Variants in IFI27 observed in about 807,000 individuals in gnomAD.
IFI27 encodes the protein interferon alpha-inducible protein 27, mitochondrial.
Under a neutral mutation model 8.9 loss-of-function variants are expected in IFI27, and 3 were observed. The observed-to-expected ratio is 0.34, with a 90% CI of 0.15 to 0.87. The LOEUF is 0.87. IFI27 is among the 40% of genes least tolerant of loss of function. The pLI, the probability that IFI27 is intolerant of heterozygous loss-of-function variation, is 0.51. For missense variants in IFI27, 152 were observed against 157.7 expected (o/e 0.96, Z 0.19); for synonymous variants, 66 against 67.3 (o/e 0.98, Z 0.09).
chr14:94,116,494 T>G lies in IFI27; in HGVS notation c.336T>G (p.Ser112=), dbSNP rs773890883. ...AGTTCATCCTGGGCTCCATTGGGTC[T>G]GCCATTGCGGCTGTCATTGCGAGGT... is the stretch of plus-strand genomic sequence containing the variant. Residue 112 remains serine (S), a synonymous_variant, in exon 5 of 5, where the codon TCT becomes TCG. Coordinates refer to ENST00000621160, the Ensembl canonical transcript of IFI27. The surrounding 1 kb of genome is among the most constrained non-coding windows in gnomAD (Gnocchi z 4.3). The G allele has an allele frequency of 2.2e-5, 35 of 1,613,464 alleles. No homozygotes were observed. Among genetic ancestry groups the G allele is most frequent in the Admixed American group, 3.3e-5 (2 of 59,932 alleles).
At chr14:94,109,330 G>A (rs1336734536), upstream of IFI27, among the ~76,000 whole-genome samples, 3 of 150,868 alleles carry the variant, frequency 2.0e-5, no homozygotes, top group Middle Eastern at 3.4e-3. Context: ...AGGGAGGGGA[G>A]GGGAGGGGAG....
intron 3 of IFI27, chr14:94,115,536 G>C: frequency 1.6e-6 from 1 of 608,270 alleles, no homozygotes. Context: ...TCCCAAGGAA[G>C]GTCCTGCTGC....
Position 94,115,853 on chromosome 14 carries a change from C to T in IFI27, c.194C>T (p.Ser65Phe). ...ACTGCGGCGGGAATCGCCTCGTCCT[C>T]CATAGCAGCCAAGATGATGTCCGCG... Residue 65 changes from serine (S) to phenylalanine (F), a missense_variant, in exon 4 of 5, where the codon TCC becomes TTC. Transcript: ENST00000621160. The T allele has an allele frequency of 1.9e-6, 3 of 1,603,220 alleles. No individual in the cohort carries two copies. The highest frequency in any genetic ancestry group is 1.7e-6 in the Non-Finnish European group (2 of 1,174,476).
At position 94,116,386 on chromosome 14, in the gene IFI27, C is replaced by G; in HGVS notation, c.284-56C>G. 1 of 1,287,746 alleles carries G rather than the reference C, an allele frequency of 7.8e-7. No individual in the cohort carries two copies. The highest frequency in any genetic ancestry group is 1.9e-5 in the Admixed American group (1 of 53,398). The allele number at this position is 1,287,746 out of a possible 1,614,324, so 79.8% of individuals were successfully genotyped here. A position where few individuals can be genotyped will look rare whatever the true frequency, so the allele number is the denominator to read the frequency against. On this transcript the variant is annotated intron_variant, in intron 4 of 4. Coordinates refer to ENST00000621160, the Ensembl canonical transcript of IFI27. This position sits in a 1 kb window ranked among gnomAD's most constrained non-coding sequence, Gnocchi z 4.3. ...GAGTCTCTGACCCCACAGTCCTGCC[C>G]ACAGAGCTTCCCCGACAGGCATGTC... is the stretch of plus-strand genomic sequence containing the variant.
chr14:94,114,339 C>T (rs1246037160), intron 2 of IFI27: 10 of 158,404 alleles, frequency 6.3e-5, no homozygotes, highest in Admixed American at 6.1e-4. Context: ...TAAACACTGA[C>T]CCTGCTTCGG....
At chr14:94,115,917 C>A in exon 4 of IFI27, 1 of 1,588,064 alleles carries the variant, frequency 6.3e-7, no homozygotes, top group Non-Finnish European at 8.6e-7. Context: ...CCTCGGGCAG[C>A]CTTGTGGCTA....
Position 94,111,699 on chromosome 14 carries a change from T to G in IFI27, c.17T>G (p.Leu6Arg), listed in dbSNP as rs749624037. The change falls in exon 2 of 5, where the codon CTC becomes CGC. Residue 6 changes from leucine to arginine, a missense_variant. Transcript: ENST00000621160. The surrounding 1 kb of genome is among the most constrained non-coding windows in gnomAD (Gnocchi z 4.3). ...CGAGCAGGCATGGAGGCCTCTGCTCTCACCTCATCAGCAGTGACCAGTGTG... is the reference window on the plus strand; with the variant it reads ...CGAGCAGGCATGGAGGCCTCTGCTCGCACCTCATCAGCAGTGACCAGTGTG... 1 of 1,614,144 alleles carries G rather than the reference T, an allele frequency of 6.2e-7. No individual in the cohort carries two copies. Among genetic ancestry groups the G allele is most frequent in the South Asian group, 1.1e-5 (1 of 91,088 alleles).
Position 94,111,502 on chromosome 14 carries a change from TG to T in IFI27, c.-58-122del. 1.7e-6 allele frequency: 1 copy of T among 605,258 alleles called. No individual in the cohort carries two copies. Among genetic ancestry groups the T allele is most frequent in the Non-Finnish European group, 3.0e-6 (1 of 334,900 alleles). 37.5% of individuals were successfully genotyped at this position (605,258 alleles called of 1,614,324 possible). On this transcript the variant is annotated intron_variant, in intron 1 of 4. Coordinates refer to ENST00000621160, the Ensembl canonical transcript of IFI27. This position sits in a 1 kb window ranked among gnomAD's most constrained non-coding sequence, Gnocchi z 4.3. ...CTCACCCCAGGATCCTTTCAAGGCC[TG>T]CTGCTCCACAAGCTCAGAGCAGCCT...
At chr14:94,115,473 C>A in intron 3 of IFI27, 1 of 611,970 alleles carries the variant, frequency 1.6e-6, no homozygotes, top group Non-Finnish European at 3.0e-6. Flanking sequence ...AACCACTCCC[C>A]TGGTCCAGCA....
At chr14:94,106,910 C>CCT (rs397760130), upstream of IFI27, among the ~76,000 whole-genome samples, 1 of 151,904 alleles carries the variant, frequency 6.6e-6, no homozygotes, top group African/African-American at 2.4e-5. Flanking sequence ...CAAGCACCCC[C>CCT]ATGACCGAAA....
At chr14:94,113,619 C>T (rs1019974971) in intron 2 of IFI27, 3 of 152,260 alleles carry the variant, frequency 2.0e-5, no homozygotes, top group Admixed American at 6.5e-5. Flanking sequence ...TATGAATGCC[C>T]ATCAGCTGAG....
At chr14:94,109,518 T>C (rs1887089545), upstream of IFI27, among the ~76,000 whole-genome samples, 1 of 152,188 alleles carries the variant, frequency 6.6e-6, no homozygotes, top group Non-Finnish European at 1.5e-5. Context: ...TAGGTAGGAC[T>C]GGGAATCTTG....
chr14:94,107,618 A>G (rs1398469762), upstream of IFI27, among the ~76,000 whole-genome samples: 1 of 152,160 alleles, frequency 6.6e-6, no homozygotes, highest in Non-Finnish European at 1.5e-5. Context: ...AAATATTTGT[A>G]TATAGTTCTG....
At chr14:94,114,819 A>G in intron 2 of IFI27, 32 bp from the exon 3 acceptor site, 6 of 1,613,574 alleles carry the variant, frequency 3.7e-6, no homozygotes, top group Non-Finnish European at 5.1e-6. Flanking sequence ...GCCAGTGTGG[A>G]TCTACTCACA....
intron 2 of IFI27, chr14:94,112,079 T>G: frequency 2.1e-6 from 1 of 467,134 alleles, no homozygotes; most frequent in African/African-American, 1.9e-5. Context: ...CAGCTCTCCC[T>G]TCCCCCAGAT....
chr14:94,107,151 C>T (rs1466576854), upstream of IFI27, among the ~76,000 whole-genome samples: 1 of 152,060 alleles, frequency 6.6e-6, no homozygotes, highest in Non-Finnish European at 1.5e-5. Flanking sequence ...TTCACTTCAA[C>T]CTCTGCCTCC....
chr14:94,115,202 G>C, intron 3 of IFI27: 1 of 642,040 alleles, frequency 1.6e-6, no homozygotes, highest in Non-Finnish European at 2.9e-6. Flanking sequence ...CCTCTCCAGA[G>C]AAAAGGCTGG....
At chr14:94,107,428 G>T (rs531376690), upstream of IFI27, among the ~76,000 whole-genome samples, 1 of 152,046 alleles carries the variant, frequency 6.6e-6, no homozygotes, top group South Asian at 2.1e-4. Context: ...AGCATTTTTT[G>T]GTATACTCTG....
In IFI27 at chr14:94,111,615, C is replaced by A; in HGVS notation, c.-58-10C>A. ...CCCATCCCGTCCTCAGAGCTCCATC[C>A]CTTCGGCAGGTCTGGCTGAAGTTGA... On this transcript the variant is annotated splice_polypyrimidine_tract_variant and intron_variant, in intron 1 of 4. Transcript: ENST00000621160. The surrounding 1 kb of genome is among the most constrained non-coding windows in gnomAD (Gnocchi z 4.3). 7.6e-7 allele frequency: 1 copy of A among 1,313,758 alleles called. No individual in the cohort carries two copies. Among genetic ancestry groups the A allele is most frequent in the Non-Finnish European group, 1.1e-6 (1 of 907,972 alleles). 81.4% of individuals were successfully genotyped at this position (1,313,758 alleles called of 1,614,324 possible).
Sources: allele counts gnomAD v4.1 joint callset (sites outside exome capture counted in the v4.1 genomes callset), GRCh38; gene constraint gnomAD v4.1.1; non-coding constraint Gnocchi (gnomAD v3.1); transcripts MANE v1.5; gene names NCBI Gene and HGNC (gene_info 2026-07-23, HGNC 2026-07-21).